Variants in GALNTL6 observed in about 807,000 individuals in gnomAD.
GALNTL6 encodes the protein polypeptide N-acetylgalactosaminyltransferase like 6, also known as polypeptide N-acetylgalactosaminyltransferase-like 6.
A neutral mutation model predicts 73.7 loss-of-function variants in GALNTL6; 46 were observed. That is an observed-to-expected ratio of 0.62 (90% CI 0.49 to 0.80). GALNTL6 has a LOEUF of 0.80. Among genes scored for constraint, GALNTL6 ranks in the 30% least tolerant of loss-of-function variants. The pLI is 0.00. For synonymous variants in GALNTL6, 259 were observed against 263.7 expected, an observed-to-expected ratio of 0.98 and a Z score of 0.17; for missense variants, 604 against 755.0, an observed-to-expected ratio of 0.80 and a Z score of 2.34.
intron 5 of GALNTL6, among the ~76,000 whole-genome samples, chr4:172,408,318 A>G (rs1372093504): frequency 6.6e-6 from 1 of 152,008 alleles, no homozygotes; most frequent in Non-Finnish European, 1.5e-5. Flanking sequence ...TTATTTTTAT[A>G]CCTATACCTG....
intron 2 of GALNTL6, among the ~76,000 whole-genome samples, chr4:171,842,548 A>G (rs188827360): frequency 1.3e-5 from 2 of 152,228 alleles, no homozygotes; most frequent in Admixed American, 1.3e-4. Flanking sequence ...TGGTGCTGTC[A>G]TCCACTTCTG....
At chr4:172,426,681 G>A (rs1410984134) in intron 5 of GALNTL6, among the ~76,000 whole-genome samples, 2 of 152,062 alleles carry the variant, frequency 1.3e-5, no homozygotes, top group South Asian at 2.1e-4. Context: ...CAGGAGGGAA[G>A]CATGGTTTAT....
In GALNTL6 at chr4:171,890,539, A is replaced by G. The variant is rs183997464; in HGVS notation, c.138+75821A>G. Among the ~76,000 whole-genome samples, 310 of 152,288 alleles carry G rather than the reference A, an allele frequency of 2.0e-3. 1 individual carries two copies. The highest frequency in any genetic ancestry group is 7.0e-3 in the African/African-American group (293 of 41,582). ...GAAAGATATGAACTGAGGGATGAAT[A>G]AAATAATGGAGAAAATTGCCATATA... On this transcript the variant is annotated intron_variant, in intron 2 of 12. Transcript: ENST00000506823.
chr4:172,782,661 T>C (rs1311446176), intron 5 of GALNTL6, among the ~76,000 whole-genome samples: 1 of 152,160 alleles, frequency 6.6e-6, no homozygotes. Flanking sequence ...GTAAAAATTG[T>C]CTTCACACGG....
chr4:172,617,318 A>G (rs1378884591), intron 5 of GALNTL6, among the ~76,000 whole-genome samples: 2 of 151,106 alleles, frequency 1.3e-5, no homozygotes, highest in Non-Finnish European at 2.9e-5. Context: ...CTATCATGTG[A>G]GCTTTAAAGT....
chr4:172,975,710 C>G (rs1750775947), intron 10 of GALNTL6, among the ~76,000 whole-genome samples: 1 of 152,154 alleles, frequency 6.6e-6, no homozygotes, highest in East Asian at 1.9e-4. Context: ...CTTGCCTCAG[C>G]CCCCCTTCCA....
chr4:172,592,932 T>A (rs1183696928), intron 5 of GALNTL6, among the ~76,000 whole-genome samples: 1 of 151,810 alleles, frequency 6.6e-6, no homozygotes, highest in Non-Finnish European at 1.5e-5. Flanking sequence ...GCACAATTCA[T>A]TTTTATGGCT....
intron 7 of GALNTL6, among the ~76,000 whole-genome samples, chr4:172,850,677 CA>C (rs1743766846): frequency 6.6e-6 from 1 of 152,152 alleles, no homozygotes; most frequent in Non-Finnish European, 1.5e-5. Context: ...TCTCCCACTT[CA>C]GACACCAATC....
chr4:172,912,719 G>A (rs1214773058), intron 8 of GALNTL6, among the ~76,000 whole-genome samples: 4 of 152,224 alleles, frequency 2.6e-5, no homozygotes, highest in African/African-American at 9.6e-5. Context: ...CGGTGGGGAA[G>A]CTTGAACTGG....
At chr4:172,554,800 GT>G (rs1446133709) in intron 5 of GALNTL6, among the ~76,000 whole-genome samples, 2 of 152,130 alleles carry the variant, frequency 1.3e-5, no homozygotes, top group African/African-American at 4.8e-5. Context: ...TGCGCAATTT[GT>G]CCATTCTACT....
chr4:172,110,269 A>C (rs1732815222), intron 2 of GALNTL6, among the ~76,000 whole-genome samples: 1 of 152,182 alleles, frequency 6.6e-6, no homozygotes, highest in Non-Finnish European at 1.5e-5. Context: ...TGAATAATTT[A>C]ATGAAGATGT....
At chr4:172,957,381 A>C (rs1749800633) in intron 10 of GALNTL6, among the ~76,000 whole-genome samples, 1 of 152,194 alleles carries the variant, frequency 6.6e-6, no homozygotes, top group Non-Finnish European at 1.5e-5. Context: ...TCCTCGGTCT[A>C]AGAACCATTT....
chr4:173,009,297 G>A lies in GALNTL6; in HGVS notation c.1488+3G>A, dbSNP rs770960440. 8.2e-6 allele frequency: 13 copies of A among 1,586,272 alleles called. No individual in the cohort carries two copies. Among genetic ancestry groups the A allele is most frequent in the Non-Finnish European group, 1.1e-5 (13 of 1,154,858 alleles). On this transcript the variant is annotated splice_donor_region_variant and intron_variant, in intron 11 of 12. Coordinates refer to ENST00000506823, the MANE Select transcript of GALNTL6 (RefSeq NM_001034845.3). ...AAAGAACATGGTCTCATGAACAGGT[G>A]AGTCACCTCCCAGAAGCCAGGGCAG...
intron 5 of GALNTL6, among the ~76,000 whole-genome samples, chr4:172,597,118 T>G (rs1737884960): frequency 6.6e-6 from 1 of 152,216 alleles, no homozygotes; most frequent in Admixed American, 6.5e-5. Flanking sequence ...TATCCAAATA[T>G]TGCCAGATGT....
At chr4:172,582,903 A>G (rs972565573) in intron 5 of GALNTL6, among the ~76,000 whole-genome samples, 1 of 152,220 alleles carries the variant, frequency 6.6e-6, no homozygotes, top group Non-Finnish European at 1.5e-5. Flanking sequence ...CATCCTTCAA[A>G]TATCTATGTT....
At chr4:172,973,845 G>A (rs1015020928) in intron 10 of GALNTL6, among the ~76,000 whole-genome samples, 1 of 152,164 alleles carries the variant, frequency 6.6e-6, no homozygotes, top group Non-Finnish European at 1.5e-5. Flanking sequence ...AGTATTAGGA[G>A]TGAAAGGACA....
At chr4:171,908,936 T>C (rs1737385687) in intron 2 of GALNTL6, among the ~76,000 whole-genome samples, 1 of 137,268 alleles carries the variant, frequency 7.3e-6, no homozygotes, top group South Asian at 2.3e-4. Context: ...TAGGTGGGAA[T>C]TGAACAATGA....
chr4:171,989,336 G>C (rs1166118762), intron 2 of GALNTL6, among the ~76,000 whole-genome samples: 2 of 152,210 alleles, frequency 1.3e-5, no homozygotes, highest in Admixed American at 1.3e-4. Flanking sequence ...GTCAGTCAGA[G>C]AGCCTTGGGC....
At chr4:172,984,885 AT>A (rs939844381) in intron 10 of GALNTL6, among the ~76,000 whole-genome samples, 1 of 152,206 alleles carries the variant, frequency 6.6e-6, no homozygotes, top group African/African-American at 2.4e-5. Context: ...AATAATGAAC[AT>A]TTTTTATGCA....
Sources: gnomAD v4.1 joint callset for allele counts (sites outside exome capture counted in the v4.1 genomes callset) on GRCh38, gnomAD v4.1.1 for gene constraint, MANE v1.5 for transcripts, NCBI Gene and HGNC (gene_info 2026-07-23, HGNC 2026-07-21) for gene names.